The following LSMEM1 variants were observed in gnomAD, a reference collection of about 807,000 sequenced individuals.
LSMEM1 encodes leucine-rich single-pass membrane protein 1.
LSMEM1 carries 10 observed loss-of-function variants against 11.3 expected under a neutral mutation model. The ratio of observed to expected loss-of-function variants is 0.89; its 90% confidence interval spans 0.55 to 1.50. The LOEUF (loss-of-function observed/expected upper bound fraction) is 1.50. LSMEM1 is among the 40% of genes most tolerant of loss of function. The probability of loss-of-function intolerance (pLI) is 0.00; values close to 1 mark genes in which losing one functional copy is unlikely to be tolerated. For missense variants in LSMEM1, 151 were observed against 152.9 expected, an observed-to-expected ratio of 0.99 and a Z score of 0.06; for synonymous variants, 65 against 59.3, an observed-to-expected ratio of 1.10 and a Z score of -0.44.
intron 3 of LSMEM1, 91 bp from the exon 4 acceptor site, chr7:112,489,719 A>G: frequency 7.0e-7 from 1 of 1,422,664 alleles, no homozygotes; most frequent in Middle Eastern, 2.3e-4. Flanking sequence ...AGTGTCTTTC[A>G]GCATCAGCTG....
chr7:112,490,316 A>G lies in LSMEM1; in HGVS notation c.*367A>G, dbSNP rs58442071. 6,462 of 186,746 alleles carry G rather than the reference A, an allele frequency of 0.035. 402 individuals are homozygous for G. The highest frequency in any genetic ancestry group is 0.14 in the African/African-American group (5,873 of 42,574). 11.6% of individuals were successfully genotyped at this position (186,746 alleles called of 1,614,324 possible). On this transcript the variant is annotated 3_prime_UTR_variant, in exon 4 of 4. Transcript: ENST00000312849. ...CAAGTTCACTGTGTCAATGAAGTTC[A>G]TGACACCTCATGCACCTTTACAGAT...
At chr7:112,488,364 G>T (rs1349699342) in intron 3 of LSMEM1, among the ~76,000 whole-genome samples, 1 of 152,114 alleles carries the variant, frequency 6.6e-6, no homozygotes, top group East Asian at 1.9e-4. Flanking sequence ...TGCCACACCC[G>T]CCTGGGGGTA....
intron 1 of LSMEM1, among the ~76,000 whole-genome samples, chr7:112,481,591 A>G (rs1379933876): frequency 6.6e-6 from 1 of 152,180 alleles, no homozygotes; most frequent in Non-Finnish European, 1.5e-5. Flanking sequence ...AACAATTCTG[A>G]TTTTGTGGCA....
chr7:112,489,916 C>A lies in LSMEM1; in HGVS notation c.363C>A (p.Asn121Lys), dbSNP rs372597380. The A allele has an allele frequency of 3.1e-6, 5 of 1,613,962 alleles. No homozygotes were observed. Among genetic ancestry groups the A allele is most frequent in the Non-Finnish European group, 4.2e-6 (5 of 1,179,928 alleles). The stretch of plus-strand genomic sequence containing the variant: ...ATAACATGATCGTAAAGCGACTCAA[C>A]CAACTCAACCAACTGGACTCTGAAC... Reference protein sequence around the residue: ...RINNMIVKRLNQLNQLDSEQN With the variant: ...RINNMIVKRLKQLNQLDSEQN The change falls in exon 4 of 4, where the codon AAC becomes AAA. Residue 121 changes from asparagine to lysine, a missense_variant. Transcript: ENST00000312849.
rs965807956 is a variant in LSMEM1 at position 112,484,737 on chromosome 7, C to T, written c.-5-75C>T. On this transcript the variant is annotated intron_variant, in intron 1 of 3. Transcript: ENST00000312849. ...GTTCTTCATAGGCCTGTCTGGCTTC[C>T]TGGTGGCTGTGGTTCTTGTGAAGTT... 2.3e-4 allele frequency: 356 copies of T among 1,520,764 alleles called. 2 individuals carry two copies. The highest frequency in any genetic ancestry group is 3.1e-4 in the Non-Finnish European group (346 of 1,118,520). 94.2% of individuals were successfully genotyped at this position (1,520,764 alleles called of 1,614,324 possible).
intron 2 of LSMEM1, chr7:112,486,065 A>G (rs1796122351): frequency 6.5e-6 from 1 of 154,754 alleles, no homozygotes; most frequent in Non-Finnish European, 1.4e-5. Context: ...CGTTGCTTCC[A>G]GAGCATATCC....
In LSMEM1 at chr7:112,487,020, G is replaced by A; in HGVS notation, c.225G>A (p.Leu75=). 6.2e-7 allele frequency: 1 copy of A among 1,614,072 alleles called. No homozygotes were observed. The highest frequency in any genetic ancestry group is 8.5e-7 in the Non-Finnish European group (1 of 1,179,994). ...VGLLIVLIVS[L]ALVFFVIFLI... ...TGCTAATTGTGCTGATTGTCAGCCT[G>A]GCACTGGTTTTTTTCGTGATATTTC... The change falls in exon 3 of 4, where the codon CTG becomes CTA. Residue 75 remains leucine, a synonymous_variant. Coordinates refer to ENST00000312849, the MANE Select transcript of LSMEM1 (RefSeq NM_182597.3).
chr7:112,483,778 C>CCGA, intron 1 of LSMEM1, among the ~76,000 whole-genome samples: 1 of 152,328 alleles, frequency 6.6e-6, no homozygotes, highest in Admixed American at 6.5e-5. Context: ...ATTTACCTCG[C>CCGA]CGAGCTTCCA....
chr7:112,487,485 T>C (rs896517123), intron 3 of LSMEM1, among the ~76,000 whole-genome samples: 1 of 152,248 alleles, frequency 6.6e-6, no homozygotes, highest in Non-Finnish European at 1.5e-5. Flanking sequence ...TAGACATCAA[T>C]GAGAAGCACT....
chr7:112,485,027 G>T, intron 2 of LSMEM1, 84 bp downstream of exon 2: 8 of 1,413,110 alleles, frequency 5.7e-6, no homozygotes, highest in African/African-American at 1.5e-5. Context: ...ATGTGTGGGT[G>T]TGGTGGAGGG....
At chr7:112,480,370 A>G (rs1796004626), upstream of LSMEM1, among the ~76,000 whole-genome samples, 1 of 152,228 alleles carries the variant, frequency 6.6e-6, no homozygotes, top group Non-Finnish European at 1.5e-5. Context: ...ACTCTGTCTC[A>G]AAGAAAATTT....
intron 1 of LSMEM1, among the ~76,000 whole-genome samples, chr7:112,483,777 G>A (rs1346835450): frequency 8.5e-5 from 13 of 152,154 alleles, no homozygotes. Flanking sequence ...CATTTACCTC[G>A]CCGAGCTTCC....
chr7:112,485,410 C>T (rs956435899), intron 2 of LSMEM1, among the ~76,000 whole-genome samples: 13 of 152,048 alleles, frequency 8.5e-5, no homozygotes, highest in African/African-American at 3.1e-4. Context: ...GTGGGGGGAG[C>T]AAAATAAAAT....
intron 2 of LSMEM1, 40 bp from the exon 3 acceptor site, chr7:112,486,883 G>T: frequency 6.2e-7 from 1 of 1,612,676 alleles, no homozygotes; most frequent in South Asian, 1.1e-5. Flanking sequence ...GTTGTATGCT[G>T]AGCAGTTTTT....
At chr7:112,487,544 T>C (rs781123548) in intron 3 of LSMEM1, among the ~76,000 whole-genome samples, 30 of 152,226 alleles carry the variant, frequency 2.0e-4, no homozygotes, top group Admixed American at 4.6e-4. Context: ...TGTATAAAGG[T>C]GGCTTCTTTC....
chr7:112,489,073 TTATTTTA>T (rs1796191030), intron 3 of LSMEM1, among the ~76,000 whole-genome samples: 1 of 152,246 alleles, frequency 6.6e-6, no homozygotes, highest in African/African-American at 2.4e-5. Context: ...TGAATAGCTT[TTATTTTA>T]TATTTGCCTT....
chr7:112,484,992 C>T, intron 2 of LSMEM1, 49 bp downstream of exon 2: 1 of 1,561,330 alleles, frequency 6.4e-7, no homozygotes, highest in Non-Finnish European at 8.7e-7. Context: ...TTCTAGGCTA[C>T]CTAAAAATAG....
At chr7:112,487,149 T>C in intron 3 of LSMEM1, 98 bp downstream of exon 3, 4 of 1,333,568 alleles carry the variant, frequency 3.0e-6, no homozygotes, top group East Asian at 2.3e-5. Context: ...CAGTCAATGC[T>C]TCCTGGTCAT....
At chr7:112,485,005 A>G in intron 2 of LSMEM1, 62 bp downstream of exon 2, 2 of 1,498,446 alleles carry the variant, frequency 1.3e-6, no homozygotes, top group Non-Finnish European at 1.8e-6. Context: ...AAAAATAGCC[A>G]CTGCTGACTG....
Sources: allele counts gnomAD v4.1 joint callset (sites outside exome capture counted in the v4.1 genomes callset), GRCh38; gene constraint gnomAD v4.1.1; transcripts MANE v1.5; gene names NCBI Gene and HGNC (gene_info 2026-07-23, HGNC 2026-07-21).